The following SCAF4 variants were observed in gnomAD, a reference collection of about 807,000 sequenced individuals.
The protein encoded by SCAF4 is SR-related and CTD-associated factor 4.
A neutral mutation model predicts 129.8 loss-of-function variants in SCAF4; 25 were observed. The ratio of observed to expected loss-of-function variants is 0.19; its 90% CI spans 0.14 to 0.27. The LOEUF is 0.27. Among genes scored for constraint, SCAF4 ranks in the 10% least tolerant of loss-of-function variants. SCAF4 has a pLI of 1.00. For synonymous variants in SCAF4, 551 were observed against 497.7 expected (o/e 1.11, Z -1.43); for missense variants, 1,246 against 1,457.1 (o/e 0.86, Z 2.36).
intron 7 of SCAF4, among the ~76,000 whole-genome samples, chr21:31,699,521 A>G (rs1398530311): frequency 6.6e-6 from 1 of 151,166 alleles, no homozygotes; most frequent in Non-Finnish European, 1.5e-5. Context: ...TTTTTCTGCA[A>G]GTATATATTT....
chr21:31,689,978 C>T (rs917745892), intron 15 of SCAF4, among the ~76,000 whole-genome samples: 1 of 151,928 alleles, frequency 6.6e-6, no homozygotes, highest in Non-Finnish European at 1.5e-5. Flanking sequence ...ACTGCCATGC[C>T]ATCCTATGCT....
chr21:31,673,199 C>T (rs1367932556), intron 19 of SCAF4, among the ~76,000 whole-genome samples: 2 of 152,098 alleles, frequency 1.3e-5, no homozygotes, highest in East Asian at 3.9e-4. Flanking sequence ...CACGCAAGTT[C>T]AACAACCTGT....
At chr21:31,731,526 G>A in intron 1 of SCAF4, 137 bp downstream of exon 1, 3 of 1,034,890 alleles carry the variant, frequency 2.9e-6, no homozygotes, top group Non-Finnish European at 4.2e-6. Context: ...GCCCCGCTCC[G>A]CGCAGGCCCC....
chr21:31,703,659 T>C (rs2050587037), intron 4 of SCAF4, 106 bp downstream of exon 4: 2 of 596,318 alleles, frequency 3.4e-6, no homozygotes, highest in East Asian at 2.9e-5. Context: ...CAGACATCGC[T>C]ACATGAAAAT....
chr21:31,704,318 T>C (rs1210290725), intron 3 of SCAF4, among the ~76,000 whole-genome samples: 1 of 152,138 alleles, frequency 6.6e-6, no homozygotes, highest in Admixed American at 6.5e-5. Context: ...TTTTAACATA[T>C]CAATTTTAAT....
At chr21:31,729,161 C>T (rs1425857851) in intron 1 of SCAF4, among the ~76,000 whole-genome samples, 5 of 152,350 alleles carry the variant, frequency 3.3e-5, no homozygotes, top group African/African-American at 1.2e-4. Flanking sequence ...CAGCCTAAAA[C>T]TGAAATTCAA....
intron 4 of SCAF4, among the ~76,000 whole-genome samples, chr21:31,702,734 T>C (rs2050564843): frequency 1.3e-5 from 2 of 152,220 alleles, no homozygotes; most frequent in South Asian, 4.1e-4. Context: ...AGAGTAATTA[T>C]AACAGCTAAA....
At chr21:31,687,250 T>A (rs1204267138) in intron 16 of SCAF4, among the ~76,000 whole-genome samples, 1 of 152,190 alleles carries the variant, frequency 6.6e-6, no homozygotes, top group South Asian at 2.1e-4. Context: ...TTCTTATAAT[T>A]TTCAAAGGGT....
Position 31,693,340 on chromosome 21 carries a change from TTCTC to T in SCAF4, c.1463_1466del (p.Arg488AsnfsTer10). On this transcript the variant is annotated frameshift_variant, in exon 12 of 20. Coordinates refer to ENST00000286835, the MANE Select transcript of SCAF4 (RefSeq NM_020706.2). LOFTEE classifies it high-confidence loss of function. Reference sequence around the variant, plus strand: ...CTTGAGGGAGGCCTTTTTGTCGACGTTCTCTCTCTTTTTCTCGATCCCGTCTTTC... The same window carrying T: ...CTTGAGGGAGGCCTTTTTGTCGACGTTCTCTTTTTCTCGATCCCGTCTTTC... 6.5e-7 allele frequency: 1 copy of T among 1,535,400 alleles called. No individual in the cohort carries two copies. The highest frequency in any genetic ancestry group is 1.2e-5 in the South Asian group (1 of 83,074).
Position 31,724,116 on chromosome 21 carries a change from T to C in SCAF4, c.30+7547A>G, listed in dbSNP as rs868295285. 4.6e-5 allele frequency among the ~76,000 whole-genome samples: 7 copies of C among 152,282 alleles called. No individual in the cohort carries two copies. The South Asian group carries it at 6.2e-4, about 14-fold the overall frequency. On this transcript the variant is annotated intron_variant, in intron 1 of 19. Coordinates refer to ENST00000286835, the MANE Select transcript of SCAF4 (RefSeq NM_020706.2). ...CTACTCAGCAATGAAATGTAATCAA[T>C]AAACGATGCAAATATTGAACAGAAT...
intron 1 of SCAF4, 59 bp downstream of exon 1, chr21:31,731,604 G>A (rs915021798): frequency 6.4e-7 from 1 of 1,567,438 alleles, no homozygotes; most frequent in Admixed American, 1.7e-5. Flanking sequence ...GGCGGCGGGA[G>A]AAACGAGCCC....
chr21:31,694,394 T>C, intron 10 of SCAF4, 105 bp from the exon 11 acceptor site: 1 of 708,990 alleles, frequency 1.4e-6, no homozygotes, highest in Non-Finnish European at 2.2e-6. Context: ...CCTGAAGCAA[T>C]TCTCTTTTGG....
At chr21:31,725,477 T>G (rs965631948) in intron 1 of SCAF4, among the ~76,000 whole-genome samples, 6 of 152,218 alleles carry the variant, frequency 3.9e-5, no homozygotes, top group Admixed American at 1.3e-4. Flanking sequence ...AATTCGTACA[T>G]TAAGTATTCA....
intron 16 of SCAF4, among the ~76,000 whole-genome samples, chr21:31,687,736 T>G (rs1341850154): frequency 1.3e-5 from 2 of 152,136 alleles, no homozygotes; most frequent in African/African-American, 4.8e-5. Context: ...AGAAAAAAAG[T>G]AGGCAGAGCC....
intron 1 of SCAF4, among the ~76,000 whole-genome samples, chr21:31,718,909 T>C (rs944935478): frequency 1.3e-5 from 2 of 152,246 alleles, no homozygotes; most frequent in Non-Finnish European, 2.9e-5. Context: ...AATAAACACA[T>C]GGAATTGCTA....
intron 1 of SCAF4, among the ~76,000 whole-genome samples, chr21:31,720,387 C>T (rs2051039884): frequency 6.6e-6 from 1 of 152,134 alleles, no homozygotes; most frequent in Non-Finnish European, 1.5e-5. Flanking sequence ...TTAACCAAAC[C>T]TTGTTATTCT....
intron 1 of SCAF4, among the ~76,000 whole-genome samples, chr21:31,718,625 A>C (rs1366647269): frequency 6.6e-6 from 1 of 152,208 alleles, no homozygotes; most frequent in African/African-American, 2.4e-5. Context: ...AAATAGGGGA[A>C]AGATGCTCTA....
chr21:31,683,195 A>G (rs2050035683), intron 19 of SCAF4, among the ~76,000 whole-genome samples: 1 of 152,200 alleles, frequency 6.6e-6, no homozygotes, highest in African/African-American at 2.4e-5. Context: ...CTCATGTAAC[A>G]AATGTTCCCC....
At chr21:31,726,449 C>T (rs1056050940) in intron 1 of SCAF4, among the ~76,000 whole-genome samples, 2 of 152,084 alleles carry the variant, frequency 1.3e-5, no homozygotes, top group African/African-American at 4.8e-5. Flanking sequence ...ATCACTTGAG[C>T]TCAGAGGCTT....
Sources: gnomAD v4.1 joint callset for allele counts (sites outside exome capture counted in the v4.1 genomes callset) on GRCh38, gnomAD v4.1.1 for gene constraint, MANE v1.5 for transcripts, NCBI Gene and HGNC (gene_info 2026-07-23, HGNC 2026-07-21) for gene names.